S100A11: variants seen among roughly 807,000 people sequenced by gnomAD.
The protein encoded by S100A11 is S100 calcium binding protein A11.
A neutral mutation model predicts 7.4 loss-of-function variants in S100A11; 5 were observed. The ratio of observed to expected loss-of-function variants is 0.68; its 90% confidence interval spans 0.35 to 1.42. The LOEUF (loss-of-function observed/expected upper bound fraction) is 1.42. Among genes scored for constraint, S100A11 ranks in the 40% most tolerant of loss-of-function variants. S100A11 has a pLI of 0.04. For synonymous variants in S100A11, 47 were observed against 46.6 expected, an observed-to-expected ratio of 1.01 and a Z score of -0.04; for missense variants, 96 against 125.0, an observed-to-expected ratio of 0.77 and a Z score of 1.11.
chr1:152,033,789 G>A lies in S100A11; in HGVS notation c.15C>T (p.Ser5=). 1 of 1,613,994 alleles carries A rather than the reference G, an allele frequency of 6.2e-7. No homozygotes were observed. Among genetic ancestry groups the A allele is most frequent in the Non-Finnish European group, 8.5e-7 (1 of 1,179,908 alleles). MAKI[S]SPTETERCIE... ...TGCACCGCTCAGTCTCTGTAGGGCT[G>A]GAGATTTTTGCCTTTGGAGAAAAAA... Residue 5 remains serine (S), a synonymous_variant, in exon 2 of 3, where the codon TCC becomes TCT. Transcript: ENST00000271638. This position sits in a 1 kb window ranked among gnomAD's most constrained non-coding sequence, Gnocchi z 4.0.
chr1:152,036,551 C>T (rs771105194), intron 1 of S100A11, among the ~76,000 whole-genome samples: 35 of 152,156 alleles, frequency 2.3e-4, no homozygotes, highest in Non-Finnish European at 4.7e-4. Context: ...AAACTTGCTC[C>T]TAGGCGTCTC....
rs1395796773 is a variant in S100A11 at position 152,033,007 on chromosome 1, C to T, written c.157-184G>A. On this transcript the variant is annotated intron_variant, in intron 2 of 2. Transcript: ENST00000271638. The surrounding 1 kb of genome is among the most constrained non-coding windows in gnomAD (Gnocchi z 4.0). ...ACCTGCCTAAGGGGCAGACCTGGGC[C>T]TTGAACCAAAGGTTTTCCCACTCCT... Among the ~76,000 whole-genome samples, 4 of 152,188 alleles carry T rather than the reference C, an allele frequency of 2.6e-5. No individual in the cohort carries two copies. The highest frequency in any genetic ancestry group is 9.7e-5 in the African/African-American group (4 of 41,422).
intron 1 of S100A11, among the ~76,000 whole-genome samples, chr1:152,036,614 G>GCCCC: frequency 7.2e-6 from 1 of 138,958 alleles, no homozygotes; most frequent in Non-Finnish European, 1.5e-5. Context: ...CCCACGACGG[G>GCCCC]TCCCCCCCCC....
At position 152,033,554 on chromosome 1, in the gene S100A11, G is replaced by A. The variant is rs1656778066; in HGVS notation, c.156+94C>T. The A allele has an allele frequency of 1.7e-6, 2 of 1,161,016 alleles. No homozygotes were observed. Among genetic ancestry groups the A allele is most frequent in the East Asian group, 4.7e-5 (2 of 42,390 alleles). The allele number at this position is 1,161,016 out of a possible 1,614,324, so 71.9% of individuals were successfully genotyped here. ...TTAAAATGAAGCAAGAGTGTGGGGT[G>A]TCAGTTGCTGCTCCTTCATTCCTGG... On this transcript the variant is annotated intron_variant, in intron 2 of 2. Transcript: ENST00000271638. The surrounding 1 kb of genome is among the most constrained non-coding windows in gnomAD (Gnocchi z 4.0).
intron 1 of S100A11, among the ~76,000 whole-genome samples, chr1:152,035,454 G>A (rs1656813528): frequency 6.6e-6 from 1 of 152,146 alleles, no homozygotes; most frequent in Non-Finnish European, 1.5e-5. Context: ...CTTAACATCA[G>A]TCTTGGTGTA....
chr1:152,035,617 T>C (rs1656815625), intron 1 of S100A11, among the ~76,000 whole-genome samples: 1 of 152,196 alleles, frequency 6.6e-6, no homozygotes, highest in African/African-American at 2.4e-5. Context: ...CGGCATAATT[T>C]GTAGAGCTCC....
chr1:152,036,992 G>A lies in S100A11; in HGVS notation c.-77C>T. On this transcript the variant is annotated 5_prime_UTR_variant, in exon 1 of 3. Coordinates refer to ENST00000271638, the MANE Select transcript of S100A11 (RefSeq NM_005620.2). ...CTCTGTGCGCGCGGCGTGCGGGTCT[G>A]GAGCCTCTCCTCAACCCACGCCCTT... 2 of 1,606,548 alleles carry A rather than the reference G, an allele frequency of 1.2e-6. No homozygotes were observed. The highest frequency in any genetic ancestry group is 1.1e-5 in the South Asian group (1 of 90,628).
In S100A11 at chr1:152,036,972, T is replaced by C; in HGVS notation, c.-57A>G. 2.5e-6 allele frequency: 4 copies of C among 1,611,218 alleles called. No homozygotes were observed. Among genetic ancestry groups the C allele is most frequent in the Non-Finnish European group, 3.4e-6 (4 of 1,179,076 alleles). ...GCTGGGAGCGGCGCTGAGAGCTCTG[T>C]GCGCGCGGCGTGCGGGTCTGGAGCC... On this transcript the variant is annotated 5_prime_UTR_variant, in exon 1 of 3. Transcript: ENST00000271638.
chr1:152,036,882 T>G (rs1656844860), intron 1 of S100A11, 31 bp downstream of exon 1: 1 of 1,581,182 alleles, frequency 6.3e-7, no homozygotes, highest in Non-Finnish European at 8.7e-7. Flanking sequence ...TCTTTTCATG[T>G]AAGAAGAAGA....
At chr1:152,036,069 T>C (rs1656824913) in intron 1 of S100A11, among the ~76,000 whole-genome samples, 1 of 152,218 alleles carries the variant, frequency 6.6e-6, no homozygotes, top group South Asian at 2.1e-4. Context: ...AAAGTATTTT[T>C]CTTCTTTTGA....
At chr1:152,034,080 A>G (rs1466851835) in intron 1 of S100A11, among the ~76,000 whole-genome samples, 1 of 152,254 alleles carries the variant, frequency 6.6e-6, no homozygotes, top group Non-Finnish European at 1.5e-5. Context: ...GATGAGAGTG[A>G]CGGTGACAAG....
At position 152,032,818 on chromosome 1, in the gene S100A11, C is replaced by G. The variant is rs1656766529; in HGVS notation, c.162G>C (p.Gln54His). ...TGCGGTCAAGGACACCAGGGTCCTT[C>G]TGGTTCTGCAGAGAAAATAATAATT... Reference protein sequence around the residue: ...NTELAAFTKNQKDPGVLDRMM... With the variant: ...NTELAAFTKNHKDPGVLDRMM... Residue 54 changes from glutamine (Q) to histidine (H), a missense_variant, in exon 3 of 3, where the codon CAG (glutamine) becomes CAC (histidine). Gln to His is a conservative substitution (Grantham distance 24). Coordinates refer to ENST00000271638, the MANE Select transcript of S100A11 (RefSeq NM_005620.2). 2.5e-6 allele frequency: 4 copies of G among 1,606,556 alleles called. No homozygotes were observed. The highest frequency in any genetic ancestry group is 3.3e-4 in the Middle Eastern group (2 of 6,046).
chr1:152,032,908 G>C (rs1049134053), intron 2 of S100A11, 85 bp from the exon 3 acceptor site: 2 of 1,062,754 alleles, frequency 1.9e-6, no homozygotes, highest in Non-Finnish European at 2.8e-6. Flanking sequence ...TCTCACAGGA[G>C]TATAAGGTAC....
At position 152,033,983 on chromosome 1, in the gene S100A11, C is replaced by G. The variant is rs1656787803; in HGVS notation, c.4-183G>C. ...TCACACTCTGTGACCTTCCGTCCTA[C>G]CCCTCGCCACATGTTTATTCCAGGT... On this transcript the variant is annotated intron_variant, in intron 1 of 2. Transcript: ENST00000271638. This position sits in a 1 kb window ranked among gnomAD's most constrained non-coding sequence, Gnocchi z 4.0. Among the ~76,000 whole-genome samples the G allele has an allele frequency of 6.6e-6, 1 of 152,316 alleles. No homozygotes were observed. Among genetic ancestry groups the G allele is most frequent in the South Asian group, 2.1e-4 (1 of 4,832 alleles).
At position 152,033,069 on chromosome 1, in the gene S100A11, A is replaced by G. The variant is rs1408368671; in HGVS notation, c.157-246T>C. On this transcript the variant is annotated intron_variant, in intron 2 of 2. Transcript: ENST00000271638. The surrounding 1 kb of genome is among the most constrained non-coding windows in gnomAD (Gnocchi z 4.0). ...CTTTCTATGATATTAGGGGCTATTC[A>G]GTTTTGTAAAGCCAGTGGAACACTT... Among the ~76,000 whole-genome samples, 1 of 152,214 alleles carries G rather than the reference A, an allele frequency of 6.6e-6. No homozygotes were observed. Among genetic ancestry groups the G allele is most frequent in the African/African-American group, 2.4e-5 (1 of 41,452 alleles).
At chr1:152,035,145 G>C (rs1367196582) in intron 1 of S100A11, among the ~76,000 whole-genome samples, 1 of 152,194 alleles carries the variant, frequency 6.6e-6, no homozygotes, top group Non-Finnish European at 1.5e-5. Flanking sequence ...TTTTCATTAA[G>C]AAAAGTGTTG....
chr1:152,032,901 C>T, intron 2 of S100A11, 78 bp from the exon 3 acceptor site: 1 of 1,112,458 alleles, frequency 9.0e-7, no homozygotes, highest in South Asian at 1.3e-5. Flanking sequence ...ATTTTATTCT[C>T]ACAGGAGTAT....
In S100A11 at chr1:152,033,860, A is replaced by G; in HGVS notation, c.4-60T>C. 2 of 1,447,494 alleles carry G rather than the reference A, an allele frequency of 1.4e-6. No individual in the cohort carries two copies. The highest frequency in any genetic ancestry group is 2.3e-5 in the South Asian group (2 of 87,502). 89.7% of individuals were successfully genotyped at this position (1,447,494 alleles called of 1,614,324 possible). ...GGAAGATGTCAAGGCTGGATACTGG[A>G]GAAAACTCCAGGGACTCTTATTTCA... On this transcript the variant is annotated intron_variant, in intron 1 of 2. Transcript: ENST00000271638. This position sits in a 1 kb window ranked among gnomAD's most constrained non-coding sequence, Gnocchi z 4.0.
rs1261532276 is a variant in S100A11, at chr1:152,033,696, C to T, written c.108G>A (p.Lys36=). Residue 36 remains lysine, a synonymous_variant, in exon 2 of 3, where the codon AAG becomes AAA. Coordinates refer to ENST00000271638, the MANE Select transcript of S100A11 (RefSeq NM_005620.2). The surrounding 1 kb of genome is among the most constrained non-coding windows in gnomAD (Gnocchi z 4.0). Reference sequence around the variant, plus strand: ...TATTCATGAAGCTTAGGAACTCTGTCTTGGAGAGAGTGTAGTTATAACCAT... The same window carrying T: ...TATTCATGAAGCTTAGGAACTCTGTTTTGGAGAGAGTGTAGTTATAACCAT... ...GKDGYNYTLS[K]TEFLSFMNTE... 1.2e-6 allele frequency: 2 copies of T among 1,613,854 alleles called. No individual in the cohort carries two copies. The highest frequency in any genetic ancestry group is 1.1e-5 in the South Asian group (1 of 91,076).
Sources: gnomAD v4.1 joint callset for allele counts (sites outside exome capture counted in the v4.1 genomes callset) on GRCh38, gnomAD v4.1.1 for gene constraint, Gnocchi (gnomAD v3.1) non-coding constraint, MANE v1.5 for transcripts, NCBI Gene and HGNC (gene_info 2026-07-23, HGNC 2026-07-21) for gene names.